The following MAL2 variants were observed in gnomAD, a reference collection of about 807,000 sequenced individuals.
MAL2 encodes protein MAL2.
Under a neutral mutation model 18.1 loss-of-function variants are expected in MAL2, and 17 were observed. The observed-to-expected ratio is 0.94, with a 90% CI of 0.64 to 1.41. MAL2 has a LOEUF of 1.41. Among genes scored for constraint, MAL2 ranks in the 40% most tolerant of loss-of-function variants. The probability of loss-of-function intolerance (pLI) is 0.00; values close to 1 mark genes in which losing one functional copy is unlikely to be tolerated. For missense variants in MAL2, 222 were observed against 231.9 expected, an observed-to-expected ratio of 0.96 and a Z score of 0.28; for synonymous variants, 102 against 102.3, an observed-to-expected ratio of 1.00 and a Z score of 0.02.
At position 119,233,054 on chromosome 8, in the gene MAL2, T is replaced by G. The variant is rs541851471; in HGVS notation, c.304-7111T>G. On this transcript the variant is annotated intron_variant, in intron 2 of 3. Coordinates refer to ENST00000614891, the MANE Select transcript of MAL2 (RefSeq NM_052886.3). ...AGGTGTGGTGCTGAAAAAATGTATATTCTGTTGATTTGGGGTGGTTGGGTA... is the reference window on the plus strand; with the variant it reads ...AGGTGTGGTGCTGAAAAAATGTATAGTCTGTTGATTTGGGGTGGTTGGGTA... Among the ~76,000 whole-genome samples the G allele has an allele frequency of 2.6e-5, 4 of 152,314 alleles. No individual in the cohort carries two copies. In the South Asian group the frequency reaches 8.3e-4, roughly 32 times the overall value.
chr8:119,208,537 G>A lies in MAL2; in HGVS notation c.65G>A (p.Arg22Gln), dbSNP rs1319579925. The change falls in exon 1 of 4, where the codon CGG becomes CAG. Residue 22 changes from arginine to glutamine, a missense_variant. Arg to Gln is a conservative substitution (Grantham distance 43, BLOSUM62 1). Transcript: ENST00000614891. The surrounding 1 kb of genome is among the most constrained non-coding windows in gnomAD (Gnocchi z 4.3). ...CCCGCCGTGTCCTTCCCGCCGCCCC[G>A]GGTCACCCTGCCCGCCGGCCCCGAC... The part of the protein sequence containing the change: ...PNPAVSFPPP[R>Q]VTLPAGPDIL... 7.2e-7 allele frequency: 1 copy of A among 1,395,224 alleles called. No individual in the cohort carries two copies. The allele number at this position is 1,395,224 out of a possible 1,614,324, so 86.4% of individuals were successfully genotyped here.
chr8:119,229,404 C>T (rs1256636627), intron 2 of MAL2, among the ~76,000 whole-genome samples: 2 of 151,448 alleles, frequency 1.3e-5, no homozygotes, highest in Non-Finnish European at 1.5e-5. Flanking sequence ...CCTCTGCCTC[C>T]TGGATTCAAG....
chr8:119,227,037 G>A (rs916482986), intron 2 of MAL2, among the ~76,000 whole-genome samples: 1 of 152,194 alleles, frequency 6.6e-6, no homozygotes, highest in Non-Finnish European at 1.5e-5. Flanking sequence ...CAGGGGTTGG[G>A]AATAGTTACT....
chr8:119,217,254 A>C (rs1175430305), intron 1 of MAL2, among the ~76,000 whole-genome samples: 1 of 152,232 alleles, frequency 6.6e-6, no homozygotes, highest in Non-Finnish European at 1.5e-5. Flanking sequence ...CCAAGCAAAC[A>C]TAACAAACAT....
intron 1 of MAL2, among the ~76,000 whole-genome samples, chr8:119,214,039 A>C (rs569657250): frequency 1.3e-4 from 20 of 152,348 alleles, no homozygotes; most frequent in African/African-American, 4.8e-4. Context: ...TTTGTTTTGT[A>C]GAGCCTGATA....
intron 2 of MAL2, among the ~76,000 whole-genome samples, chr8:119,224,924 A>G (rs1346553937): frequency 6.6e-6 from 1 of 152,196 alleles, no homozygotes; most frequent in East Asian, 1.9e-4. Context: ...TTTGACCTTA[A>G]TGACAATTCT....
intron 2 of MAL2, among the ~76,000 whole-genome samples, chr8:119,234,398 G>C (rs1029581645): frequency 5.3e-5 from 8 of 152,200 alleles, no homozygotes; most frequent in African/African-American, 1.9e-4. Flanking sequence ...GCCCGCCATT[G>C]CCCAGGCTTG....
At chr8:119,213,915 C>T (rs1053347575) in intron 1 of MAL2, among the ~76,000 whole-genome samples, 3 of 152,136 alleles carry the variant, frequency 2.0e-5, no homozygotes, top group African/African-American at 7.2e-5. Context: ...ATCATTTGCT[C>T]CGACTGGCAG....
At chr8:119,240,083 T>C in intron 2 of MAL2, 82 bp from the exon 3 acceptor site, 6 of 1,411,264 alleles carry the variant, frequency 4.3e-6, no homozygotes, top group Non-Finnish European at 5.9e-6. Flanking sequence ...TTGATCTTGC[T>C]AAACCTAAAC....
chr8:119,238,113 A>G (rs1460998702), intron 2 of MAL2, among the ~76,000 whole-genome samples: 1 of 152,260 alleles, frequency 6.6e-6, no homozygotes, highest in Non-Finnish European at 1.5e-5. Context: ...CCAATGTACA[A>G]AAATCACAAG....
intron 1 of MAL2, among the ~76,000 whole-genome samples, chr8:119,214,485 C>T (rs544855805): frequency 3.9e-5 from 6 of 152,182 alleles, no homozygotes; most frequent in African/African-American, 1.2e-4. Flanking sequence ...GTGATTTATA[C>T]GGGTCTGGCC....
intron 2 of MAL2, among the ~76,000 whole-genome samples, chr8:119,231,885 G>C (rs1425893897): frequency 1.3e-5 from 2 of 150,864 alleles, no homozygotes; most frequent in Non-Finnish European, 2.9e-5. Context: ...CAGAAGTAGA[G>C]AATAGAATGG....
intron 1 of MAL2, among the ~76,000 whole-genome samples, chr8:119,219,220 A>G (rs978283502): frequency 6.6e-6 from 1 of 152,134 alleles, no homozygotes; most frequent in African/African-American, 2.4e-5. Context: ...ATACACCACA[A>G]CTATACATTT....
chr8:119,230,476 G>A lies in MAL2; in HGVS notation c.303+8719G>A, dbSNP rs550903548. On this transcript the variant is annotated intron_variant, in intron 2 of 3. Coordinates refer to ENST00000614891, the MANE Select transcript of MAL2 (RefSeq NM_052886.3). Reference sequence around the variant, plus strand: ...AAGGGGCAAGCAGTAATTGCTTGTGGGCAGAATCCTTTCTGGCAGAGACAA... The same window carrying A: ...AAGGGGCAAGCAGTAATTGCTTGTGAGCAGAATCCTTTCTGGCAGAGACAA... Among the ~76,000 whole-genome samples the A allele has an allele frequency of 5.3e-5, 8 of 152,202 alleles. No individual in the cohort carries two copies. The South Asian group carries it at 1.7e-3, about 32-fold the overall frequency.
chr8:119,233,846 T>C (rs1817796437), intron 2 of MAL2, among the ~76,000 whole-genome samples: 2 of 152,006 alleles, frequency 1.3e-5, no homozygotes, highest in Admixed American at 6.5e-5. Context: ...ATCATCCTGA[T>C]ACCAAAGCCG....
chr8:119,210,428 T>G (rs1817252063), intron 1 of MAL2, among the ~76,000 whole-genome samples: 3 of 152,146 alleles, frequency 2.0e-5, no homozygotes, highest in Admixed American at 2.0e-4. Context: ...TTATATCTTT[T>G]TTAAATCTAG....
chr8:119,223,492 T>C lies in MAL2; in HGVS notation c.303+1735T>C, dbSNP rs375654227. On this transcript the variant is annotated intron_variant, in intron 2 of 3. Transcript: ENST00000614891. ...CATTTCCCACCCATTTGTAGCATTA[T>C]ATCTGATGTTCAGAAAATTAAATGT... is the stretch of plus-strand genomic sequence containing the variant. 125 of 152,378 alleles carry C rather than the reference T, an allele frequency of 8.2e-4. 1 individual carries two copies. The highest frequency in any genetic ancestry group is 2.8e-3 in the African/African-American group (116 of 41,592). 9.4% of individuals were successfully genotyped at this position (152,378 alleles called of 1,614,324 possible). A position where few individuals can be genotyped will look rare whatever the true frequency, so the allele number is the denominator to read the frequency against.
At chr8:119,241,794 AAAAG>A (rs1217028355) in intron 3 of MAL2, among the ~76,000 whole-genome samples, 1 of 152,208 alleles carries the variant, frequency 6.6e-6, no homozygotes, top group Non-Finnish European at 1.5e-5. Flanking sequence ...ACTTGCTTAT[AAAAG>A]AAATAAAGGT....
intron 2 of MAL2, among the ~76,000 whole-genome samples, chr8:119,232,130 A>AT (rs1289579459): frequency 3.9e-5 from 6 of 152,044 alleles, no homozygotes; most frequent in Non-Finnish European, 5.9e-5. Context: ...GTATATATAA[A>AT]TTAGCTCCAC....
Sources: allele counts gnomAD v4.1 joint callset (sites outside exome capture counted in the v4.1 genomes callset), GRCh38; gene constraint gnomAD v4.1.1; non-coding constraint Gnocchi (gnomAD v3.1); transcripts MANE v1.5; gene names NCBI Gene and HGNC (gene_info 2026-07-23, HGNC 2026-07-21).